CYP20A1: variants seen among roughly 807,000 people sequenced by gnomAD.
CYP20A1 encodes the protein cytochrome P450 family 20 subfamily A member 1.
Under a neutral mutation model 61.4 loss-of-function variants are expected in CYP20A1, and 61 were observed. That is an observed-to-expected ratio of 0.99 (90% CI 0.81 to 1.23). The LOEUF is 1.23. Among genes scored for constraint, CYP20A1 ranks in the 50% most tolerant of loss-of-function variants. The pLI is 0.00. For missense variants in CYP20A1, 530 were observed against 542.4 expected (o/e 0.98, Z 0.23); for synonymous variants, 193 against 188.2 (o/e 1.03, Z -0.21).
chr2:203,261,294 A>G (rs2067127802), intron 4 of CYP20A1, among the ~76,000 whole-genome samples: 1 of 152,018 alleles, frequency 6.6e-6, no homozygotes, highest in South Asian at 2.1e-4. Flanking sequence ...ACAGTAACTT[A>G]TGCTTATAAT....
At chr2:203,239,883 G>T (rs112659784) in intron 1 of CYP20A1, among the ~76,000 whole-genome samples, 2,533 of 152,260 alleles carry the variant, frequency 0.017, 66 homozygotes, top group African/African-American at 0.055. Flanking sequence ...GGATCACGAG[G>T]TCAGGATATC....
intron 4 of CYP20A1, 122 bp downstream of exon 4, chr2:203,252,231 T>C (rs765319722): frequency 6.5e-6 from 5 of 765,212 alleles, no homozygotes; most frequent in Non-Finnish European, 9.4e-6. Context: ...GCTAATTTTA[T>C]TCTGAAATTA....
intron 6 of CYP20A1, among the ~76,000 whole-genome samples, chr2:203,274,504 T>C (rs1205250623): frequency 6.6e-6 from 1 of 152,126 alleles, no homozygotes; most frequent in Non-Finnish European, 1.5e-5. Context: ...TATTCTAAGC[T>C]ACCTCAATTC....
chr2:203,294,940 A>ATTTTT lies in CYP20A1; in HGVS notation c.1149-1534_1149-1533insTTTTT, dbSNP rs1559110323. On this transcript the variant is annotated intron_variant, in intron 11 of 12. Transcript: ENST00000356079. Reference sequence around the variant, plus strand: ...AGCCACTGTGCCCAGCCTTTAAAAAAATTTTTTTTTTTTTTTTTTTTTTTT... The same window carrying ATTTTT: ...AGCCACTGTGCCCAGCCTTTAAAAAATTTTTATTTTTTTTTTTTTTTTTTTTTTTT... 1.3e-3 allele frequency among the ~76,000 whole-genome samples: 119 copies of ATTTTT among 91,200 alleles called. 2 individuals are homozygous for ATTTTT. Among genetic ancestry groups the ATTTTT allele is most frequent in the African/African-American group, 3.7e-3 (83 of 22,382 alleles). The allele number at this position is 91,200 out of a possible 152,430, so 59.8% of individuals were successfully genotyped here. A position where few individuals can be genotyped will look rare whatever the true frequency, so the allele number is the denominator to read the frequency against.
chr2:203,243,214 G>C (rs942773192), intron 1 of CYP20A1, among the ~76,000 whole-genome samples: 1 of 152,070 alleles, frequency 6.6e-6, no homozygotes, highest in African/African-American at 2.4e-5. Flanking sequence ...TGTGGTCTCG[G>C]CTCACTGCAA....
rs1293594905 is a variant in CYP20A1, at chr2:203,260,088, A to G, written c.433-6426A>G. Among the ~76,000 whole-genome samples the G allele has an allele frequency of 2.7e-5, 4 of 150,032 alleles. No homozygotes were observed. The East Asian group carries it at 8.0e-4, about 30-fold the overall frequency. On this transcript the variant is annotated intron_variant, in intron 4 of 12. Coordinates refer to ENST00000356079, the MANE Select transcript of CYP20A1 (RefSeq NM_177538.3). ...ATTACAGGCACCGACCACCATGCCC[A>G]GCTAAATTTTGTATTTTTAGTAGAG...
chr2:203,281,431 C>T (rs1331451640), intron 8 of CYP20A1, among the ~76,000 whole-genome samples: 1 of 152,050 alleles, frequency 6.6e-6, no homozygotes, highest in Non-Finnish European at 1.5e-5. Context: ...ATCACCTAAG[C>T]CCAGGAGGTT....
Position 203,285,667 on chromosome 2 carries a change from A to G in CYP20A1, c.906A>G (p.Leu302=). 1 of 1,607,554 alleles carries G rather than the reference A, an allele frequency of 6.2e-7. No homozygotes were observed. Among genetic ancestry groups the G allele is most frequent in the Non-Finnish European group, 8.5e-7 (1 of 1,178,602 alleles). The change falls in exon 9 of 13, where the codon TTA becomes TTG. Residue 302 remains leucine (L), a synonymous_variant. Transcript: ENST00000356079. ...CCTCTGAAGAAGTTCAAAAAAAATTATATGAAGAGATAAACCAAGTTTTTG... is the reference window on the plus strand; with the variant it reads ...CCTCTGAAGAAGTTCAAAAAAAATTGTATGAAGAGATAAACCAAGTTTTTG... The part of the protein sequence containing the change: ...LTTSEEVQKK[L]YEEINQVFGN...
At position 203,251,996 on chromosome 2, in the gene CYP20A1, T is replaced by G; in HGVS notation, c.319T>G (p.Leu107Val). 2 of 1,607,446 alleles carry G rather than the reference T, an allele frequency of 1.2e-6. No individual in the cohort carries two copies. The highest frequency in any genetic ancestry group is 8.5e-7 in the Non-Finnish European group (1 of 1,176,472). Residue 107 changes from leucine (L) to valine (V), a missense_variant, in exon 4 of 13, where the codon TTA (leucine) becomes GTA (valine). Transcript: ENST00000356079. ...CCCTTTTGAAACCATGCTGAAGTCA[T>G]TATTAAGGTATCAATCTGGTGGTGG... ...SDPFETMLKS[L>V]LRYQSGGGSV...
chr2:203,287,796 A>G (rs1405745340), intron 9 of CYP20A1, among the ~76,000 whole-genome samples: 1 of 152,148 alleles, frequency 6.6e-6, no homozygotes, highest in East Asian at 1.9e-4. Context: ...CTCCCACCTT[A>G]TCCTCACTTG....
At chr2:203,278,051 G>A (rs2067894498) in intron 6 of CYP20A1, among the ~76,000 whole-genome samples, 1 of 152,106 alleles carries the variant, frequency 6.6e-6, no homozygotes, top group African/African-American at 2.4e-5. Flanking sequence ...CGAGGCGGAT[G>A]GATTGCTTGA....
At chr2:203,290,441 C>A (rs1164623312) in intron 10 of CYP20A1, among the ~76,000 whole-genome samples, 2 of 152,042 alleles carry the variant, frequency 1.3e-5, no homozygotes, top group African/African-American at 4.8e-5. Context: ...GTATATTACT[C>A]TGTGTATATA....
At chr2:203,239,372 T>C (rs762986135) in intron 1 of CYP20A1, among the ~76,000 whole-genome samples, 1 of 151,780 alleles carries the variant, frequency 6.6e-6, no homozygotes, top group Non-Finnish European at 1.5e-5. Context: ...CAGGCGGGCG[T>C]AGAGCTGCTG....
Position 203,296,529 on chromosome 2 carries a change from G to T in CYP20A1, c.1204G>T (p.Gly402Ter). The T allele has an allele frequency of 1.2e-6, 2 of 1,612,528 alleles. No homozygotes were observed. The highest frequency in any genetic ancestry group is 2.2e-5 in the South Asian group (2 of 90,820). The change falls in exon 12 of 13, where the codon GGA becomes TGA. Residue 402 changes from glycine to a stop codon, truncating the protein, a stop_gained. Coordinates refer to ENST00000356079, the MANE Select transcript of CYP20A1 (RefSeq NM_177538.3). LOFTEE classifies it high-confidence loss of function. Reference sequence around the variant, plus strand: ...AGTAATGAAAACTTTTTCCTCACTTGGATTCTCAGGCACACAGGAGTGTCC... The same window carrying T: ...AGTAATGAAAACTTTTTCCTCACTTTGATTCTCAGGCACACAGGAGTGTCC... Reference protein sequence around the residue: ...ELVMKTFSSLGFSGTQECPEL... With the variant: ...ELVMKTFSSL
chr2:203,277,167 T>C (rs1400702972), intron 6 of CYP20A1, among the ~76,000 whole-genome samples: 1 of 151,738 alleles, frequency 6.6e-6, no homozygotes, highest in African/African-American at 2.4e-5. Flanking sequence ...GCTAACACGG[T>C]GAAACCCCGT....
At chr2:203,274,119 AT>A (rs1046560288) in intron 6 of CYP20A1, among the ~76,000 whole-genome samples, 3 of 151,704 alleles carry the variant, frequency 2.0e-5, no homozygotes, top group South Asian at 2.1e-4. Context: ...CTCCCTTATT[AT>A]TTTTTTGTTC....
Position 203,295,243 on chromosome 2 carries a change from C to T in CYP20A1, c.1149-1231C>T, listed in dbSNP as rs542703691. Among the ~76,000 whole-genome samples the T allele has an allele frequency of 3.3e-5, 5 of 151,966 alleles. 1 individual carries two copies. In the South Asian group the frequency reaches 8.3e-4, roughly 25 times the overall value. ...TACAGGCGTGAGCCACCGCGCCTGGCCAAAAATTTTTAATAGAGATGAGGT... is the reference window on the plus strand; with the variant it reads ...TACAGGCGTGAGCCACCGCGCCTGGTCAAAAATTTTTAATAGAGATGAGGT... On this transcript the variant is annotated intron_variant, in intron 11 of 12. Transcript: ENST00000356079.
At position 203,305,715 on chromosome 2, in the gene CYP20A1, A is replaced by T. The variant is rs2152121414; in HGVS notation, c.*8807A>T. ...GAAATTTTGTTACTTTACCATTGTA[A>T]CTATGTCATAAAGTCATAAAGTACC... is the stretch of plus-strand genomic sequence containing the variant. On this transcript the variant is annotated 3_prime_UTR_variant, in exon 13 of 13. Transcript: ENST00000356079. 6.6e-6 allele frequency: 1 copy of T among 152,332 alleles called. No homozygotes were observed. The highest frequency in any genetic ancestry group is 1.9e-4 in the East Asian group (1 of 5,192). 9.4% of individuals were successfully genotyped at this position (152,332 alleles called of 1,614,324 possible).
intron 4 of CYP20A1, among the ~76,000 whole-genome samples, chr2:203,266,298 T>G (rs572754756): frequency 6.6e-6 from 1 of 152,308 alleles, no homozygotes; most frequent in South Asian, 2.1e-4. Context: ...GTGGTTCTGT[T>G]TTGTTTTACA....
Sources: gnomAD v4.1 joint callset for allele counts (sites outside exome capture counted in the v4.1 genomes callset) on GRCh38, gnomAD v4.1.1 for gene constraint, MANE v1.5 for transcripts, NCBI Gene and HGNC (gene_info 2026-07-23, HGNC 2026-07-21) for gene names.